Variants in RFX3 observed in about 807,000 individuals in gnomAD.
The protein encoded by RFX3 is regulatory factor X3.
In RFX3, 14 loss-of-function variants were observed where a neutral mutation model predicts 98.6. The ratio of observed to expected loss-of-function variants is 0.14; its 90% CI spans 0.09 to 0.22. RFX3 has a LOEUF of 0.22. Among genes scored for constraint, RFX3 ranks in the 10% least tolerant of loss-of-function variants. The pLI, the probability that RFX3 is intolerant of heterozygous loss-of-function variation, is 1.00. For missense variants in RFX3, 639 were observed against 926.9 expected (o/e 0.69, Z 4.03); for synonymous variants, 383 against 328.4 (o/e 1.17, Z -1.80).
chr9:3,324,071 G>C (rs1426244669), intron 4 of RFX3: 4 of 444,282 alleles, frequency 9.0e-6, no homozygotes, highest in Non-Finnish European at 1.9e-5. Context: ...TGTCTGAGGA[G>C]TTTCATTTCA....
chr9:3,493,682 CAAAAA>C lies in RFX3; in HGVS notation c.-9+32060_-9+32064del, dbSNP rs71324250. Among the ~76,000 whole-genome samples, 248 of 79,530 alleles carry C rather than the reference CAAAAA, an allele frequency of 3.1e-3. 2 individuals are homozygous for C. The highest frequency in any genetic ancestry group is 0.011 in the African/African-American group (229 of 21,476). The allele number at this position is 79,530 out of a possible 152,430, so 52.2% of individuals were successfully genotyped here. On this transcript the variant is annotated intron_variant, in intron 1 of 16. Coordinates refer to ENST00000617270, the MANE Select transcript of RFX3 (RefSeq NM_001282116.2). The stretch of plus-strand genomic sequence containing the variant: ...CTGGGCGACAAAGCGAGACTCATCT[CAAAAA>C]AAAAAAAAAAAAAATATATATATAT...
intron 15 of RFX3, among the ~76,000 whole-genome samples, chr9:3,234,516 C>T (rs935823912): frequency 2.0e-5 from 3 of 152,168 alleles, no homozygotes; most frequent in Admixed American, 6.5e-5. Flanking sequence ...TGGCACACGC[C>T]TGTAGTCCCA....
intron 1 of RFX3, among the ~76,000 whole-genome samples, chr9:3,501,120 C>T (rs1815953591): frequency 6.6e-6 from 1 of 152,234 alleles, no homozygotes; most frequent in Non-Finnish European, 1.5e-5. Flanking sequence ...TATAAAATAA[C>T]ATATTCCACC....
chr9:3,403,047 T>C (rs1841624925), intron 1 of RFX3, among the ~76,000 whole-genome samples: 2 of 152,062 alleles, frequency 1.3e-5, no homozygotes, highest in South Asian at 2.1e-4. Context: ...TTTAGTCACG[T>C]ACTACATTTA....
chr9:3,317,928 T>G (rs572507728), intron 4 of RFX3, among the ~76,000 whole-genome samples: 1 of 152,204 alleles, frequency 6.6e-6, no homozygotes, highest in Non-Finnish European at 1.5e-5. Flanking sequence ...TTGGTGGGAC[T>G]GTAAGCTAGT....
chr9:3,395,248 A>G (rs1022120642), intron 2 of RFX3, among the ~76,000 whole-genome samples: 2 of 152,260 alleles, frequency 1.3e-5, no homozygotes, highest in African/African-American at 4.8e-5. Context: ...TTGAGAATAC[A>G]GATTATAACT....
rs147015484 is a variant in RFX3, at chr9:3,251,008, C to A, written c.1815-2823G>T. Among the ~76,000 whole-genome samples the A allele has an allele frequency of 2.2e-3, 342 of 152,110 alleles. 2 individuals are homozygous for A. Among genetic ancestry groups the A allele is most frequent in the African/African-American group, 8.0e-3 (331 of 41,516 alleles). ...ACTTATCCAAAGATATACGTACAAT[C>A]GTATATGAAGATAATCATAACAGCA... On this transcript the variant is annotated intron_variant, in intron 14 of 16. Coordinates refer to ENST00000617270, the MANE Select transcript of RFX3 (RefSeq NM_001282116.2).
intron 1 of RFX3, among the ~76,000 whole-genome samples, chr9:3,480,824 T>C (rs561367292): frequency 2.8e-5 from 4 of 142,188 alleles, no homozygotes; most frequent in African/African-American, 8.6e-5. Flanking sequence ...AGGAACGCTG[T>C]AGAATAAATA....
intron 2 of RFX3, among the ~76,000 whole-genome samples, chr9:3,348,836 T>G (rs1353802070): frequency 1.3e-5 from 2 of 152,158 alleles, no homozygotes; most frequent in African/African-American, 2.4e-5. Flanking sequence ...CTAGTTCCTA[T>G]GACATAACCC....
chr9:3,370,089 C>T (rs2131543554), intron 2 of RFX3, among the ~76,000 whole-genome samples: 1 of 151,014 alleles, frequency 6.6e-6, no homozygotes, highest in Admixed American at 6.6e-5. Flanking sequence ...GATCCGCCCG[C>T]CTCGGCCTCC....
chr9:3,227,374 G>T (rs1025673422), intron 16 of RFX3, among the ~76,000 whole-genome samples: 15 of 152,162 alleles, frequency 9.9e-5, no homozygotes, highest in Admixed American at 6.5e-5. Context: ...AACTTACAAA[G>T]CAACTTATAA....
intron 1 of RFX3, among the ~76,000 whole-genome samples, chr9:3,525,480 T>C (rs1054152224): frequency 1.3e-5 from 2 of 151,910 alleles, no homozygotes; most frequent in African/African-American, 2.4e-5. Context: ...GCTCCATCCC[T>C]GAAGTGCGGC....
chr9:3,341,153 G>A (rs1035024165), intron 3 of RFX3, among the ~76,000 whole-genome samples: 2 of 151,696 alleles, frequency 1.3e-5, no homozygotes, highest in African/African-American at 4.8e-5. Context: ...CTATCGCAGG[G>A]ACAAAAAACC....
At chr9:3,508,830 T>C (rs1817380262) in intron 1 of RFX3, among the ~76,000 whole-genome samples, 1 of 151,960 alleles carries the variant, frequency 6.6e-6, no homozygotes, top group South Asian at 2.1e-4. Context: ...GCCATATTCT[T>C]GGTTTCTCTT....
intron 9 of RFX3, among the ~76,000 whole-genome samples, chr9:3,272,766 TA>T (rs1009651848): frequency 3.3e-5 from 5 of 150,902 alleles, no homozygotes; most frequent in Non-Finnish European, 5.9e-5. Flanking sequence ...TAACCTACAT[TA>T]AAAAAAATAT....
At chr9:3,304,560 G>A (rs1201503054) in intron 4 of RFX3, among the ~76,000 whole-genome samples, 6 of 152,022 alleles carry the variant, frequency 3.9e-5, no homozygotes, top group African/African-American at 1.4e-4. Context: ...TTGTGGGAGG[G>A]AGCCAGTGGG....
intron 6 of RFX3, among the ~76,000 whole-genome samples, chr9:3,290,261 C>T (rs185899937): frequency 1.3e-5 from 2 of 151,024 alleles, no homozygotes; most frequent in East Asian, 3.9e-4. Context: ...GTGGGAGGAA[C>T]CCAGAACATC....
At chr9:3,297,768 A>T (rs1437016770) in intron 5 of RFX3, among the ~76,000 whole-genome samples, 1 of 152,022 alleles carries the variant, frequency 6.6e-6, no homozygotes, top group Non-Finnish European at 1.5e-5. Flanking sequence ...ATTATTTGCT[A>T]GATTGTGAGA....
At chr9:3,421,071 T>A in intron 1 of RFX3, 1 of 279,500 alleles carries the variant, frequency 3.6e-6, no homozygotes, top group Non-Finnish European at 5.4e-6. Flanking sequence ...CAGTATCTCC[T>A]GAGGCTCTGG....
Sources: allele counts gnomAD v4.1 joint callset (sites outside exome capture counted in the v4.1 genomes callset), GRCh38; gene constraint gnomAD v4.1.1; transcripts MANE v1.5; gene names NCBI Gene and HGNC (gene_info 2026-07-23, HGNC 2026-07-21).